Variants in SEM1 observed in about 807,000 individuals in gnomAD.
SEM1 encodes the protein 26S proteasome complex subunit SEM1.
In SEM1, 3 loss-of-function variants were observed where a neutral mutation model predicts 12.7. The ratio of observed to expected loss-of-function variants is 0.24; its 90% CI spans 0.11 to 0.61. SEM1 has a LOEUF of 0.61. SEM1 is among the 20% of genes least tolerant of loss of function. SEM1 has a pLI of 0.88. For synonymous variants in SEM1, 30 were observed against 27.8 expected (o/e 1.08, Z -0.25); for missense variants, 59 against 81.3 (o/e 0.73, Z 1.06).
At chr7:96,656,429 T>C (rs1809180630) in intron 2 of SEM1, 1 of 152,288 alleles carries the variant, frequency 6.6e-6, no homozygotes, top group African/African-American at 2.4e-5. Context: ...CCCAGCCTCC[T>C]TGGCAGCCCA....
intron 2 of SEM1, among the ~76,000 whole-genome samples, chr7:96,531,163 A>G (rs1163887783): frequency 6.6e-6 from 1 of 152,150 alleles, no homozygotes; most frequent in Non-Finnish European, 1.5e-5. Flanking sequence ...TAAACATGAA[A>G]GCACTCTGAA....
intron 2 of SEM1, among the ~76,000 whole-genome samples, chr7:96,690,113 G>C (rs543196676): frequency 5.9e-5 from 9 of 152,270 alleles, no homozygotes; most frequent in African/African-American, 2.2e-4. Context: ...TGCCAATCTT[G>C]AGGGAATGTG....
rs554423896 is a variant in SEM1, at chr7:96,606,553, T to C, written c.170+88245A>G. 3.2e-4 allele frequency among the ~76,000 whole-genome samples: 48 copies of C among 152,258 alleles called. 1 individual carries two copies. In the South Asian group the frequency reaches 9.6e-3, roughly 30 times the overall value. On this transcript the variant is annotated intron_variant and NMD_transcript_variant, in intron 2 of 3. Transcript: ENST00000466986. The stretch of plus-strand genomic sequence containing the variant: ...ACAGGCTTGAATGGAGGACATAGAA[T>C]GAGAGTAAACAAAATTGTGGCACAA...
At chr7:96,494,956 A>C (rs537432804) in intron 1 of SEM1, among the ~76,000 whole-genome samples, 19 of 134,994 alleles carry the variant, frequency 1.4e-4, no homozygotes, top group African/African-American at 5.4e-4. Flanking sequence ...TTCTAATGAT[A>C]TTTCAGGCCA....
chr7:96,529,715 A>G (rs1804584071), intron 2 of SEM1, among the ~76,000 whole-genome samples: 1 of 152,186 alleles, frequency 6.6e-6, no homozygotes, highest in African/African-American at 2.4e-5. Flanking sequence ...CTTTACAGAA[A>G]TAGTTGTCCA....
chr7:96,606,480 G>T (rs968205435), intron 2 of SEM1, among the ~76,000 whole-genome samples: 6 of 152,118 alleles, frequency 3.9e-5, no homozygotes, highest in Non-Finnish European at 1.5e-5. Context: ...CCTAAACTGA[G>T]GCTATGCCCA....
At chr7:96,599,719 A>G (rs576384257) in intron 2 of SEM1, among the ~76,000 whole-genome samples, 9 of 152,190 alleles carry the variant, frequency 5.9e-5, no homozygotes, top group African/African-American at 2.2e-4. Flanking sequence ...TCTGACCCAC[A>G]CGCATCCTGG....
chr7:96,548,050 A>G (rs1805156946), intron 2 of SEM1, among the ~76,000 whole-genome samples: 1 of 152,166 alleles, frequency 6.6e-6, no homozygotes. Flanking sequence ...TTCACTTTCA[A>G]ACATGAGGTA....
chr7:96,588,915 AT>A (rs201701072), intron 2 of SEM1, among the ~76,000 whole-genome samples: 1 of 152,248 alleles, frequency 6.6e-6, no homozygotes, highest in African/African-American at 2.4e-5. Flanking sequence ...TATGTAAACC[AT>A]TTTTTTAAAT....
chr7:96,543,715 A>C (rs2115798026), intron 2 of SEM1, among the ~76,000 whole-genome samples: 1 of 152,154 alleles, frequency 6.6e-6, no homozygotes, highest in African/African-American at 2.4e-5. Context: ...TCGGTTTTTT[A>C]GAATTTCTTA....
At chr7:96,562,420 T>G (rs1411830058) in intron 2 of SEM1, among the ~76,000 whole-genome samples, 2 of 152,198 alleles carry the variant, frequency 1.3e-5, no homozygotes, top group Non-Finnish European at 2.9e-5. Flanking sequence ...GGAAAACTTA[T>G]GCTATAATGG....
At chr7:96,563,354 G>GAA (rs1423175736) in intron 2 of SEM1, among the ~76,000 whole-genome samples, 1 of 151,424 alleles carries the variant, frequency 6.6e-6, no homozygotes, top group African/African-American at 2.4e-5. Flanking sequence ...GAGGTTTGGG[G>GAA]GAAAAAAAGG....
intron 2 of SEM1, among the ~76,000 whole-genome samples, chr7:96,540,659 G>A (rs1191825376): frequency 1.3e-5 from 2 of 151,752 alleles, no homozygotes; most frequent in Non-Finnish European, 2.9e-5. Flanking sequence ...ACATTTGCAC[G>A]TTTGTTACAT....
chr7:96,570,921 G>T (rs951050383), intron 2 of SEM1, among the ~76,000 whole-genome samples: 16 of 149,078 alleles, frequency 1.1e-4, no homozygotes, highest in African/African-American at 3.7e-4. Context: ...GTATCTTACT[G>T]TGGTTTTGAT....
At chr7:96,689,186 A>G (rs918134884) in intron 2 of SEM1, among the ~76,000 whole-genome samples, 1 of 152,050 alleles carries the variant, frequency 6.6e-6, no homozygotes, top group South Asian at 2.1e-4. Context: ...TTTAACTTGT[A>G]TTTTATCTTC....
intron 2 of SEM1, among the ~76,000 whole-genome samples, chr7:96,542,438 A>G (rs1804985948): frequency 6.6e-6 from 1 of 151,894 alleles, no homozygotes; most frequent in Non-Finnish European, 1.5e-5. Flanking sequence ...TGGCTTTTGT[A>G]CATTGATTTT....
In SEM1 at chr7:96,510,146, C is replaced by A. The variant is rs535736465; in HGVS notation, c.171-3448G>T. ...ATCTATTGTATACGCCCTTGGGTTTCCACAGGAAATCTGATTTAGTTATTT... is the reference window on the plus strand; with the variant it reads ...ATCTATTGTATACGCCCTTGGGTTTACACAGGAAATCTGATTTAGTTATTT... On this transcript the variant is annotated intron_variant and NMD_transcript_variant, in intron 2 of 3. Transcript: ENST00000466986. 2.0e-5 allele frequency among the ~76,000 whole-genome samples: 3 copies of A among 152,212 alleles called. No homozygotes were observed. In the South Asian group the frequency reaches 6.2e-4, roughly 32 times the overall value.
At chr7:96,580,139 T>G (rs2116047811) in intron 2 of SEM1, among the ~76,000 whole-genome samples, 1 of 119,908 alleles carries the variant, frequency 8.3e-6, no homozygotes, top group South Asian at 2.9e-4. Context: ...CCCACAACAG[T>G]CCCCAGAGTG....
chr7:96,670,805 G>A (rs538895043), downstream of SEM1, among the ~76,000 whole-genome samples: 5 of 152,258 alleles, frequency 3.3e-5, no homozygotes, highest in Admixed American at 1.3e-4. Flanking sequence ...TTTACAGAGA[G>A]CATGCAATGT....
Sources: gnomAD v4.1 joint callset for allele counts (sites outside exome capture counted in the v4.1 genomes callset) on GRCh38, gnomAD v4.1.1 for gene constraint, MANE v1.5 for transcripts, NCBI Gene and HGNC (gene_info 2026-07-23, HGNC 2026-07-21) for gene names.